Variants in TBC1D5 observed in about 807,000 individuals in gnomAD.
TBC1D5 encodes the protein TBC1 domain family, member 5.
A neutral mutation model predicts 100.3 loss-of-function variants in TBC1D5; 75 were observed. The ratio of observed to expected loss-of-function variants is 0.75; its 90% CI spans 0.62 to 0.91. TBC1D5 has a LOEUF of 0.91. Ranked by LOEUF, TBC1D5 falls within the 40% of genes least tolerant of loss-of-function variation. The pLI is 0.00. For missense variants in TBC1D5, 910 were observed against 942.4 expected (o/e 0.97, Z 0.45); for synonymous variants, 323 against 325.6 (o/e 0.99, Z 0.09).
rs2096075526 is a variant in TBC1D5, at chr3:17,522,621, G to C, written c.-35-14016C>G. ...ACAGGCCAGAAAGGGTACATGAAAA[G>C]AATTAACAAAACTGAATAAACTGGG... On this transcript the variant is annotated intron_variant, in intron 2 of 21. Transcript: ENST00000253692. Among the ~76,000 whole-genome samples the C allele has an allele frequency of 2.0e-5, 3 of 152,012 alleles. No homozygotes were observed. The South Asian group carries it at 6.2e-4, about 31-fold the overall frequency.
intron 3 of TBC1D5, among the ~76,000 whole-genome samples, chr3:17,494,243 C>T (rs868375999): frequency 7.9e-5 from 12 of 152,172 alleles, no homozygotes; most frequent in African/African-American, 2.4e-4. Flanking sequence ...CTGTAGGCAT[C>T]ACCACTGGAG....
intron 13 of TBC1D5, among the ~76,000 whole-genome samples, chr3:17,347,110 C>T (rs2089993217): frequency 6.6e-6 from 1 of 152,072 alleles, no homozygotes; most frequent in Non-Finnish European, 1.5e-5. Context: ...TTGGTTTACA[C>T]AGATTGCTTT....
At chr3:17,358,174 T>G (rs1490242412) in intron 13 of TBC1D5, among the ~76,000 whole-genome samples, 4 of 150,666 alleles carry the variant, frequency 2.7e-5, no homozygotes, top group Admixed American at 6.6e-5. Flanking sequence ...TTCACTTTTT[T>G]TTTGTTTGTT....
chr3:17,214,102 A>T (rs2073322680), intron 18 of TBC1D5, 105 bp downstream of exon 19: 9 of 1,156,938 alleles, frequency 7.8e-6, no homozygotes, highest in Non-Finnish European at 1.1e-5. Context: ...AGTCCATAAA[A>T]GTTTTAAGAG....
chr3:17,321,254 T>G (rs2085366576), intron 13 of TBC1D5, among the ~76,000 whole-genome samples: 1 of 152,234 alleles, frequency 6.6e-6, no homozygotes, highest in East Asian at 1.9e-4. Context: ...ACATTTTTTG[T>G]AGAGACACTA....
At chr3:17,305,881 C>T (rs1231911836) in intron 14 of TBC1D5, among the ~76,000 whole-genome samples, 3 of 152,150 alleles carry the variant, frequency 2.0e-5, no homozygotes, top group East Asian at 1.9e-4. Context: ...TTCTCTCCTT[C>T]GATTTCATCT....
intron 13 of TBC1D5, among the ~76,000 whole-genome samples, chr3:17,349,350 G>C (rs1009537313): frequency 6.6e-6 from 1 of 152,140 alleles, no homozygotes; most frequent in African/African-American, 2.4e-5. Context: ...GGTGATGGCT[G>C]GTGCTGCTGG....
chr3:17,395,012 A>G (rs1296876497), intron 8 of TBC1D5, among the ~76,000 whole-genome samples: 1 of 152,114 alleles, frequency 6.6e-6, no homozygotes, highest in African/African-American at 2.4e-5. Flanking sequence ...AGAGGGCAGC[A>G]GAAAAATCTC....
rs183878351 is a variant in TBC1D5 at position 17,178,484 on chromosome 3, A to G, written c.1852+6625T>C. On this transcript the variant is annotated intron_variant, in intron 19 of 21. Transcript: ENST00000253692. Reference sequence around the variant, plus strand: ...GTGCTAAAAAAACATGGGAGTGCAGATATCTCTTCGATATACTGATTTCCT... The same window carrying G: ...GTGCTAAAAAAACATGGGAGTGCAGGTATCTCTTCGATATACTGATTTCCT... 4.9e-4 allele frequency among the ~76,000 whole-genome samples: 74 copies of G among 152,238 alleles called. 1 individual carries two copies. The highest frequency in any genetic ancestry group is 2.1e-4 in the Non-Finnish European group (14 of 68,016).
At chr3:17,721,856 C>A (rs1456888225) in intron 1 of TBC1D5, among the ~76,000 whole-genome samples, 1 of 151,712 alleles carries the variant, frequency 6.6e-6, no homozygotes, top group Non-Finnish European at 1.5e-5. Flanking sequence ...GTGGCACATG[C>A]CTGTAATCCC....
At position 17,197,726 on chromosome 3, in the gene TBC1D5, T is replaced by C. The variant is rs553916030; in HGVS notation, c.1753-12518A>G. On this transcript the variant is annotated intron_variant, in intron 18 of 21. Coordinates refer to ENST00000253692, the Ensembl canonical transcript of TBC1D5. ...ATAGCATAGTGATTTTGGGGAACAT[T>C]TGTCACCTCAGAACTGACAATTCCG... is the stretch of plus-strand genomic sequence containing the variant. Among the ~76,000 whole-genome samples the C allele has an allele frequency of 2.6e-5, 4 of 152,258 alleles. No individual in the cohort carries two copies. The East Asian group carries it at 5.8e-4, about 22-fold the overall frequency.
chr3:17,295,236 C>T (rs923151649), intron 14 of TBC1D5, among the ~76,000 whole-genome samples: 2 of 152,202 alleles, frequency 1.3e-5, no homozygotes, highest in Admixed American at 6.5e-5. Flanking sequence ...TAGATTAGAT[C>T]ACTGGCCTAG....
At chr3:17,595,413 C>G (rs1387359786) in intron 2 of TBC1D5, among the ~76,000 whole-genome samples, 1 of 152,112 alleles carries the variant, frequency 6.6e-6, no homozygotes, top group African/African-American at 2.4e-5. Context: ...AGCTATCATA[C>G]CACAACAAAA....
At chr3:17,345,429 GGA>G (rs2089716140) in intron 13 of TBC1D5, among the ~76,000 whole-genome samples, 1 of 152,032 alleles carries the variant, frequency 6.6e-6, no homozygotes. Flanking sequence ...AACAGGTGCT[GGA>G]GAGTATGTGG....
At chr3:17,317,224 T>C (rs1559618853) in intron 13 of TBC1D5, among the ~76,000 whole-genome samples, 2 of 152,178 alleles carry the variant, frequency 1.3e-5, no homozygotes, top group Non-Finnish European at 2.9e-5. Context: ...CAAAGCCAAG[T>C]ATTAACGGTT....
intron 1 of TBC1D5, among the ~76,000 whole-genome samples, chr3:17,723,175 T>C (rs764815563): frequency 3.9e-5 from 6 of 152,122 alleles, no homozygotes; most frequent in Non-Finnish European, 8.8e-5. Context: ...ACTAAAAGTG[T>C]AATTTGATTG....
chr3:17,693,325 T>G (rs1011068783), intron 1 of TBC1D5, among the ~76,000 whole-genome samples: 2 of 152,174 alleles, frequency 1.3e-5, no homozygotes. Context: ...TTCCCTTTCC[T>G]AGCCAAGGGA....
At chr3:17,233,804 T>A (rs2075635590) in intron 17 of TBC1D5, 54 bp from the exon 18 acceptor site, 1 of 1,183,538 alleles carries the variant, frequency 8.4e-7, no homozygotes, top group African/African-American at 1.5e-5. Flanking sequence ...ATAATCAACT[T>A]CACTTTTCTT....
chr3:17,184,254 T>G (rs1266932309), intron 19 of TBC1D5, among the ~76,000 whole-genome samples: 1 of 152,192 alleles, frequency 6.6e-6, no homozygotes, highest in Non-Finnish European at 1.5e-5. Context: ...AACTTCAAAC[T>G]GGGACATTTC....
Sources: gnomAD v4.1 joint callset for allele counts (sites outside exome capture counted in the v4.1 genomes callset) on GRCh38, gnomAD v4.1.1 for gene constraint, MANE v1.5 for transcripts, NCBI Gene and HGNC (gene_info 2026-07-23, HGNC 2026-07-21) for gene names.